Variants in DTHD1 observed in about 807,000 individuals in gnomAD.
DTHD1 encodes death domain-containing protein 1.
Under a neutral mutation model 74.8 loss-of-function variants are expected in DTHD1, and 59 were observed. That is an observed-to-expected ratio of 0.79 (90% CI 0.64 to 0.98). DTHD1 has a LOEUF of 0.98. Among genes scored for constraint, DTHD1 ranks in the 50% least tolerant of loss-of-function variants. The pLI, the probability that DTHD1 is intolerant of heterozygous loss-of-function variation, is 0.00. For synonymous variants in DTHD1, 365 were observed against 371.1 expected, an observed-to-expected ratio of 0.98 and a Z score of 0.19; for missense variants, 1,051 against 1,065.4, an observed-to-expected ratio of 0.99 and a Z score of 0.19.
intron 3 of DTHD1, 130 bp downstream of exon 3, chr4:36,290,833 C>T (rs1756035243): frequency 1.3e-6 from 1 of 747,126 alleles, no homozygotes; most frequent in Non-Finnish European, 2.1e-6. Context: ...TGAATTTGTG[C>T]CAGTGCGTTC....
At position 36,343,577 on chromosome 4, in the gene DTHD1, C is replaced by A; in HGVS notation, c.2474C>A (p.Thr825Asn). 1 of 1,551,678 alleles carries A rather than the reference C, an allele frequency of 6.4e-7. No individual in the cohort carries two copies. Among genetic ancestry groups the A allele is most frequent in the Non-Finnish European group, 8.7e-7 (1 of 1,146,932 alleles). Residue 825 changes from threonine to asparagine, a missense_variant, in exon 10 of 10, where the codon ACT becomes AAT. Transcript: ENST00000639862. ...SEENAESLSS[T>N]LPLRRSTIQL... is the part of the protein sequence containing the mutation. ...GAAAATGCTGAGTCTCTTTCCTCAACTCTCCCTCTGCGCCGTAGCACCATT... is the reference window on the plus strand; with the variant it reads ...GAAAATGCTGAGTCTCTTTCCTCAAATCTCCCTCTGCGCCGTAGCACCATT...
intron 6 of DTHD1, 38 bp from the exon 7 acceptor site, chr4:36,308,166 C>T: frequency 6.5e-7 from 1 of 1,532,626 alleles, no homozygotes. Context: ...CTTGACACTG[C>T]ATTTTTCCCT....
intron 9 of DTHD1, among the ~76,000 whole-genome samples, chr4:36,341,299 T>TA (rs1417914480): frequency 1.3e-5 from 2 of 151,942 alleles, no homozygotes; most frequent in African/African-American, 4.8e-5. Context: ...AGGAGGAGAT[T>TA]AAGGGGCAGG....
In DTHD1 at chr4:36,281,816, A is replaced by C; in HGVS notation, c.58A>C (p.Arg20=). 8.1e-7 allele frequency: 1 copy of C among 1,241,946 alleles called. No homozygotes were observed. The highest frequency in any genetic ancestry group is 1.0e-6 in the Non-Finnish European group (1 of 991,482). The allele number at this position is 1,241,946 out of a possible 1,614,324, so 76.9% of individuals were successfully genotyped here. A position where few individuals can be genotyped will look rare whatever the true frequency, so the allele number is the denominator to read the frequency against. ...GGGCCAAATATTGAAGCAGATTTGGAGACAAAACCAGATGCTAAAGCAGGC... is the reference window on the plus strand; with the variant it reads ...GGGCCAAATATTGAAGCAGATTTGGCGACAAAACCAGATGCTAAAGCAGGC... ...KLGQILKQIW[R]QNQMLKQALL... Residue 20 remains arginine (R), a synonymous_variant, in exon 1 of 10, where the codon AGA becomes CGA. Coordinates refer to ENST00000639862, the MANE Select transcript of DTHD1 (RefSeq NM_001170700.3).
rs1373978938 is a variant in DTHD1 at position 36,293,669 on chromosome 4, A to G, written c.1362A>G (p.Pro454=). ...MDSRISLNYP[P]GVFTSPVLVQ... Reference sequence around the variant, plus strand: ...CCCGAATATCCTTAAATTACCCTCCAGGAGTTTTTACCTCTCCAGTGCTGG... The same window carrying G: ...CCCGAATATCCTTAAATTACCCTCCGGGAGTTTTTACCTCTCCAGTGCTGG... The change falls in exon 4 of 10, where the codon CCA becomes CCG. Residue 454 remains proline, a synonymous_variant. Transcript: ENST00000639862. 2.6e-6 allele frequency: 4 copies of G among 1,542,204 alleles called. No homozygotes were observed. The highest frequency in any genetic ancestry group is 3.5e-6 in the Non-Finnish European group (4 of 1,140,720).
At chr4:36,304,847 A>G (rs1207366361) in intron 5 of DTHD1, among the ~76,000 whole-genome samples, 1 of 152,006 alleles carries the variant, frequency 6.6e-6, no homozygotes, top group Non-Finnish European at 1.5e-5. Context: ...CTTAGCATCT[A>G]TTTTTCCTTT....
intron 2 of DTHD1, among the ~76,000 whole-genome samples, chr4:36,285,634 G>T (rs1233223684): frequency 9.9e-6 from 1 of 100,662 alleles, no homozygotes; most frequent in Non-Finnish European, 2.0e-5. Flanking sequence ...AACATAACAC[G>T]CTTAGAAGTG....
intron 8 of DTHD1, among the ~76,000 whole-genome samples, chr4:36,335,520 C>A (rs1758960673): frequency 6.6e-6 from 1 of 152,160 alleles, no homozygotes; most frequent in Non-Finnish European, 1.5e-5. Flanking sequence ...AGCTATTGCA[C>A]CCAACCAATA....
intron 2 of DTHD1, among the ~76,000 whole-genome samples, chr4:36,286,678 T>C (rs116369498): frequency 0.02 from 3,120 of 152,300 alleles, 86 homozygotes; most frequent in African/African-American, 0.069. Flanking sequence ...CTGCAGAATG[T>C]GCATACACAA....
chr4:36,311,891 C>T (rs1310603778), intron 7 of DTHD1: 1 of 152,126 alleles, frequency 6.6e-6, no homozygotes, highest in African/African-American at 2.4e-5. Context: ...GTATTTAAAA[C>T]TTTAATTAAT....
chr4:36,307,458 G>A (rs1578458259), intron 6 of DTHD1, among the ~76,000 whole-genome samples: 1 of 152,274 alleles, frequency 6.6e-6, no homozygotes, highest in South Asian at 2.1e-4. Context: ...CTGGATTAGA[G>A]AAGACCTTAA....
intron 8 of DTHD1, among the ~76,000 whole-genome samples, chr4:36,330,493 T>C (rs1758599664): frequency 6.6e-6 from 1 of 152,198 alleles, no homozygotes; most frequent in Non-Finnish European, 1.5e-5. Flanking sequence ...TGTATGTTTA[T>C]GCTGGACTAT....
rs187278125 is a variant in DTHD1 at position 36,303,926 on chromosome 4, C to A, written c.1644-2265C>A. On this transcript the variant is annotated intron_variant, in intron 5 of 9. Transcript: ENST00000639862. ...CTATATTAGCAATTAAGTCCTTGGCCTCAAAGTGACACATATTTTTTTTCA... is the reference window on the plus strand; with the variant it reads ...CTATATTAGCAATTAAGTCCTTGGCATCAAAGTGACACATATTTTTTTTCA... 3.1e-3 allele frequency among the ~76,000 whole-genome samples: 478 copies of A among 152,276 alleles called. 2 individuals carry two copies. The highest frequency in any genetic ancestry group is 5.4e-3 in the Non-Finnish European group (367 of 68,028).
At chr4:36,322,907 T>A (rs1758122813) in intron 8 of DTHD1, among the ~76,000 whole-genome samples, 1 of 151,816 alleles carries the variant, frequency 6.6e-6, no homozygotes, top group South Asian at 2.1e-4. Context: ...TGGAAGGGAG[T>A]GGAGAGAATA....
In DTHD1 at chr4:36,281,764, T is replaced by C; in HGVS notation, c.6T>C (p.Asp2=). 8.1e-7 allele frequency: 1 copy of C among 1,236,252 alleles called. No homozygotes were observed. The highest frequency in any genetic ancestry group is 1.0e-6 in the Non-Finnish European group (1 of 988,966). The allele number at this position is 1,236,252 out of a possible 1,614,324, so 76.6% of individuals were successfully genotyped here. M[D]MEYMGSGKLG... Reference sequence around the variant, plus strand: ...TACCACTTTTGGATCATAAAATGGATATGGAATACATGGGCTCAGGTAAAC... The same window carrying C: ...TACCACTTTTGGATCATAAAATGGACATGGAATACATGGGCTCAGGTAAAC... The change falls in exon 1 of 10, where the codon GAT becomes GAC. Residue 2 remains aspartate (D), a synonymous_variant. Coordinates refer to ENST00000639862, the MANE Select transcript of DTHD1 (RefSeq NM_001170700.3).
At chr4:36,317,346 T>C (rs556796245) in intron 8 of DTHD1, among the ~76,000 whole-genome samples, 83 of 152,318 alleles carry the variant, frequency 5.4e-4, no homozygotes, top group Admixed American at 2.5e-3. Context: ...AGCTGTGTTG[T>C]TCTGAATGGT....
At position 36,284,213 on chromosome 4, in the gene DTHD1, A is replaced by G. The variant is rs754479458; in HGVS notation, c.509A>G (p.His170Arg). The change falls in exon 2 of 10, where the codon CAT (histidine) becomes CGT (arginine). Residue 170 changes from histidine (H) to arginine (R), a missense_variant. Coordinates refer to ENST00000639862, the MANE Select transcript of DTHD1 (RefSeq NM_001170700.3). ...TCTCCCACAAATGGAGAGGAAAGTCATTACACAAACCAGGTCCAGTTAGAA... is the reference window on the plus strand; with the variant it reads ...TCTCCCACAAATGGAGAGGAAAGTCGTTACACAAACCAGGTCCAGTTAGAA... ...TVSPTNGEES[H>R]YTNQVQLEKN... 3.9e-6 allele frequency: 6 copies of G among 1,537,072 alleles called. No homozygotes were observed. The African/African-American group carries it at 5.5e-5, about 14-fold the overall frequency.
chr4:36,293,823 T>G, intron 4 of DTHD1, 118 bp downstream of exon 4: 1 of 904,902 alleles, frequency 1.1e-6, no homozygotes, highest in Admixed American at 3.5e-5. Flanking sequence ...ATTATTTTCT[T>G]GTAGTTGTAA....
intron 8 of DTHD1, among the ~76,000 whole-genome samples, chr4:36,326,399 ATTAAC>A (rs572760571): frequency 3.7e-3 from 556 of 150,346 alleles, no homozygotes; most frequent in African/African-American, 0.013. Flanking sequence ...GCATTTACAC[ATTAAC>A]TTATTTATTG....
Sources: allele counts gnomAD v4.1 joint callset (sites outside exome capture counted in the v4.1 genomes callset), GRCh38; gene constraint gnomAD v4.1.1; transcripts MANE v1.5; gene names NCBI Gene and HGNC (gene_info 2026-07-23, HGNC 2026-07-21).